AGAP1: variants seen among roughly 807,000 people sequenced by gnomAD.
AGAP1 encodes ArfGAP with GTPase domain, ankyrin repeat and PH domain 1.
A neutral mutation model predicts 105.3 loss-of-function variants in AGAP1; 29 were observed. The observed-to-expected ratio is 0.28, with a 90% CI of 0.21 to 0.38. The LOEUF is 0.38. Ranked by LOEUF, AGAP1 falls within the 10% of genes least tolerant of loss-of-function variation. The pLI, the probability that AGAP1 is intolerant of heterozygous loss-of-function variation, is 1.00. For missense variants in AGAP1, 998 were observed against 1,165.1 expected (o/e 0.86, Z 2.09); for synonymous variants, 509 against 485.9 (o/e 1.05, Z -0.63).
Position 235,517,840 on chromosome 2 carries a change from G to A in AGAP1, c.163+22991G>A, listed in dbSNP as rs1201580069. ...TAACCCCAGCTACACGGGAGGCTGA[G>A]GCAGGAGAATCTCTTGAACCCGGGA... On this transcript the variant is annotated intron_variant, in intron 1 of 17. Coordinates refer to ENST00000304032, the MANE Select transcript of AGAP1 (RefSeq NM_001037131.3). This position sits in a 1 kb window ranked among gnomAD's most constrained non-coding sequence, Gnocchi z 4.1. Among the ~76,000 whole-genome samples the A allele has an allele frequency of 6.6e-6, 1 of 151,734 alleles. No individual in the cohort carries two copies. The highest frequency in any genetic ancestry group is 1.5e-5 in the Non-Finnish European group (1 of 67,940).
At chr2:236,081,323 C>T (rs560055601) in intron 16 of AGAP1, among the ~76,000 whole-genome samples, 2 of 152,292 alleles carry the variant, frequency 1.3e-5, no homozygotes, top group African/African-American at 4.8e-5. Flanking sequence ...AAGAGAGTAA[C>T]TACACTTGCC....
At chr2:235,709,311 G>C in intron 2 of AGAP1, 74 bp downstream of exon 2, 2 of 1,523,472 alleles carry the variant, frequency 1.3e-6, no homozygotes, top group East Asian at 4.5e-5. Context: ...TGCATTCCCA[G>C]GCAACTGGTC....
At chr2:235,776,932 C>T (rs770355247) in intron 6 of AGAP1, 5 of 471,006 alleles carry the variant, frequency 1.1e-5, no homozygotes, top group South Asian at 3.1e-5. Flanking sequence ...AGCCTCGGAG[C>T]AGGAAAAGCT....
In AGAP1 at chr2:235,943,279, G is replaced by T. The variant is rs113846160; in HGVS notation, c.1483+12356G>T. 3.5e-3 allele frequency among the ~76,000 whole-genome samples: 530 copies of T among 151,790 alleles called. 2 individuals are homozygous for T. The highest frequency in any genetic ancestry group is 0.012 in the African/African-American group (479 of 41,282). The stretch of plus-strand genomic sequence containing the variant: ...TTTGTCAACTGTTAGAATAACATTG[G>T]TCAAATCTTTTTCATTTCCTCCCTC... On this transcript the variant is annotated intron_variant, in intron 12 of 17. Transcript: ENST00000304032.
intron 6 of AGAP1, among the ~76,000 whole-genome samples, chr2:235,779,656 A>G (rs1342129829): frequency 3.9e-5 from 6 of 152,210 alleles, no homozygotes; most frequent in Non-Finnish European, 8.8e-5. Flanking sequence ...AGGCTCAGAC[A>G]TCCCTGCCCC....
intron 16 of AGAP1, among the ~76,000 whole-genome samples, chr2:236,097,862 A>C (rs192772864): frequency 1.3e-5 from 2 of 152,200 alleles, no homozygotes; most frequent in African/African-American, 4.8e-5. Context: ...CTCCTTCTCT[A>C]TGAAATGACG....
chr2:235,666,387 A>G (rs563866476), intron 1 of AGAP1, among the ~76,000 whole-genome samples: 1 of 152,020 alleles, frequency 6.6e-6, no homozygotes, highest in South Asian at 2.1e-4. Flanking sequence ...GGGGATTTAG[A>G]TTTTGGAGTG....
intron 16 of AGAP1, among the ~76,000 whole-genome samples, chr2:236,075,964 C>T (rs556473468): frequency 1.6e-4 from 25 of 152,304 alleles, no homozygotes; most frequent in East Asian, 5.8e-4. Context: ...CAGAGGAGGC[C>T]GGGGCAGCGT....
At position 235,614,187 on chromosome 2, in the gene AGAP1, C is replaced by T. The variant is rs1946233334; in HGVS notation, c.164-94992C>T. 6.6e-6 allele frequency among the ~76,000 whole-genome samples: 1 copy of T among 152,092 alleles called. No homozygotes were observed. The highest frequency in any genetic ancestry group is 2.4e-5 in the African/African-American group (1 of 41,408). The stretch of plus-strand genomic sequence containing the variant: ...GGCAAGGTCTTTGGCCTCAGGGGGT[C>T]CTTGGAGTCTAGAAGGGATGGTGAC... On this transcript the variant is annotated intron_variant, in intron 1 of 17. Coordinates refer to ENST00000304032, the MANE Select transcript of AGAP1 (RefSeq NM_001037131.3). This position sits in a 1 kb window ranked among gnomAD's most constrained non-coding sequence, Gnocchi z 4.7.
intron 1 of AGAP1, among the ~76,000 whole-genome samples, chr2:235,704,453 C>G (rs1045351206): frequency 7.9e-5 from 12 of 152,288 alleles, no homozygotes; most frequent in African/African-American, 2.4e-4. Flanking sequence ...CGAGACCATC[C>G]TGGCCAACAT....
At chr2:235,680,842 C>T (rs1212494023) in intron 1 of AGAP1, among the ~76,000 whole-genome samples, 1 of 152,090 alleles carries the variant, frequency 6.6e-6, no homozygotes, top group Non-Finnish European at 1.5e-5. Flanking sequence ...AGTTCTACTC[C>T]ACACTTCCTG....
Position 236,062,290 on chromosome 2 carries a change from CTG to C in AGAP1, c.2114+13013_2114+13014del, listed in dbSNP as rs2058220557. Among the ~76,000 whole-genome samples the C allele has an allele frequency of 6.6e-6, 1 of 152,192 alleles. No individual in the cohort carries two copies. The highest frequency in any genetic ancestry group is 1.9e-4 in the East Asian group (1 of 5,168). On this transcript the variant is annotated intron_variant, in intron 16 of 17. Coordinates refer to ENST00000304032, the MANE Select transcript of AGAP1 (RefSeq NM_001037131.3). The surrounding 1 kb of genome is among the most constrained non-coding windows in gnomAD (Gnocchi z 4.2). ...TTTTCCTGGGCTAGGAAACTCAGGC[CTG>C]TGTCTCCCTGAGCCTGTGAATGCAG...
At position 236,049,270 on chromosome 2, in the gene AGAP1, A is replaced by G; in HGVS notation, c.2103A>G (p.Val701=). ...GCCAGGGGCGGACGAAACCATCGGTAGACTCCACAAGGTAGGAACTTTGGA... is the reference window on the plus strand; with the variant it reads ...GCCAGGGGCGGACGAAACCATCGGTGGACTCCACAAGGTAGGAACTTTGGA... The part of the protein sequence containing the change: ...ESSQGRTKPS[V]DSTREEKERW... Residue 701 remains valine, a synonymous_variant, in exon 16 of 18, where the codon GTA becomes GTG. Transcript: ENST00000304032. 2 of 1,614,036 alleles carry G rather than the reference A, an allele frequency of 1.2e-6. No individual in the cohort carries two copies. Among genetic ancestry groups the G allele is most frequent in the Non-Finnish European group, 1.7e-6 (2 of 1,179,878 alleles).
chr2:236,003,655 G>C lies in AGAP1; in HGVS notation c.1646-32906G>C, dbSNP rs2056215678. On this transcript the variant is annotated intron_variant, in intron 13 of 17. Transcript: ENST00000304032. The surrounding 1 kb of genome is among the most constrained non-coding windows in gnomAD (Gnocchi z 4.2). ...ATTTGCGCCTGTTCTTTCTCTGGCT[G>C]TGCACCTGGCAGTGCTGAGAGGAGA... Among the ~76,000 whole-genome samples the C allele has an allele frequency of 6.6e-6, 1 of 152,144 alleles. No homozygotes were observed. Among genetic ancestry groups the C allele is most frequent in the South Asian group, 2.1e-4 (1 of 4,820 alleles).
rs190740175 is a variant in AGAP1 at position 236,095,711 on chromosome 2, A to G, written c.2115-24481A>G. On this transcript the variant is annotated intron_variant, in intron 16 of 17. Transcript: ENST00000304032. The surrounding 1 kb of genome is among the most constrained non-coding windows in gnomAD (Gnocchi z 4.1). Reference sequence around the variant, plus strand: ...TAATTAGAATAATGCTGACAATGTAAAATTGTGGGAAAAAACTTTTAAAAA... The same window carrying G: ...TAATTAGAATAATGCTGACAATGTAGAATTGTGGGAAAAAACTTTTAAAAA... Among the ~76,000 whole-genome samples the G allele has an allele frequency of 6.6e-6, 1 of 152,316 alleles. No homozygotes were observed. Among genetic ancestry groups the G allele is most frequent in the East Asian group, 1.9e-4 (1 of 5,186 alleles).
In AGAP1 at chr2:235,578,799, A is replaced by ATT. The variant is rs1944824265; in HGVS notation, c.163+83950_163+83951insTT. Among the ~76,000 whole-genome samples the ATT allele has an allele frequency of 1.5e-4, 13 of 84,674 alleles. No individual in the cohort carries two copies. Among genetic ancestry groups the ATT allele is most frequent in the African/African-American group, 3.5e-4 (8 of 22,552 alleles). 55.5% of individuals were successfully genotyped at this position (84,674 alleles called of 152,430 possible). A position where few individuals can be genotyped will look rare whatever the true frequency, so the allele number is the denominator to read the frequency against. The stretch of plus-strand genomic sequence containing the variant: ...GACTCAGTCTCAAAAAAAAAAAAAA[A>ATT]ATTTTTTTTTTACAATAAGCTATTT... On this transcript the variant is annotated intron_variant, in intron 1 of 17. Coordinates refer to ENST00000304032, the MANE Select transcript of AGAP1 (RefSeq NM_001037131.3). This position sits in a 1 kb window ranked among gnomAD's most constrained non-coding sequence, Gnocchi z 4.9.
intron 6 of AGAP1, among the ~76,000 whole-genome samples, chr2:235,765,999 T>C (rs1047225446): frequency 6.6e-6 from 1 of 152,208 alleles, no homozygotes; most frequent in Non-Finnish European, 1.5e-5. Flanking sequence ...TCTTGTCAGA[T>C]AGAGTGTTTA....
intron 3 of AGAP1, among the ~76,000 whole-genome samples, chr2:235,735,221 G>A (rs752515206): frequency 6.6e-6 from 1 of 152,226 alleles, no homozygotes; most frequent in East Asian, 1.9e-4. Context: ...TTAATGATAC[G>A]TTGATAGCTT....
rs564694082 is a variant in AGAP1, at chr2:235,524,791, A to G, written c.163+29942A>G. 4.6e-5 allele frequency among the ~76,000 whole-genome samples: 7 copies of G among 152,282 alleles called. No individual in the cohort carries two copies. In the South Asian group the frequency reaches 1.2e-3, roughly 27 times the overall value. ...TCATTGGCTTGTCTTGGACCCAAACATAATTAGTGGGGGTAGGGGTGAGGA... is the reference window on the plus strand; with the variant it reads ...TCATTGGCTTGTCTTGGACCCAAACGTAATTAGTGGGGGTAGGGGTGAGGA... On this transcript the variant is annotated intron_variant, in intron 1 of 17. Coordinates refer to ENST00000304032, the MANE Select transcript of AGAP1 (RefSeq NM_001037131.3).
Sources: gnomAD v4.1 joint callset for allele counts (sites outside exome capture counted in the v4.1 genomes callset) on GRCh38, gnomAD v4.1.1 for gene constraint, Gnocchi (gnomAD v3.1) non-coding constraint, MANE v1.5 for transcripts, NCBI Gene and HGNC (gene_info 2026-07-23, HGNC 2026-07-21) for gene names.